TIAM2: variants seen among roughly 807,000 people sequenced by gnomAD.
The protein encoded by TIAM2 is TIAM Rac1 associated GEF 2.
A neutral mutation model predicts 152.9 loss-of-function variants in TIAM2; 80 were observed. The ratio of observed to expected loss-of-function variants is 0.52; its 90% CI spans 0.44 to 0.63. TIAM2 has a LOEUF of 0.63. Ranked by LOEUF, TIAM2 falls within the 30% of genes least tolerant of loss-of-function variation. TIAM2 has a pLI of 0.00. For missense variants in TIAM2, 1,965 were observed against 2,120.1 expected (o/e 0.93, Z 1.44); for synonymous variants, 804 against 838.0 (o/e 0.96, Z 0.70).
chr6:155,211,962 C>T (rs1487812973), intron 15 of TIAM2, among the ~76,000 whole-genome samples: 1 of 152,178 alleles, frequency 6.6e-6, no homozygotes, highest in Non-Finnish European at 1.5e-5. Flanking sequence ...TTGGTGGAAT[C>T]ACAATATTTG....
chr6:155,202,313 G>C (rs1781490242), intron 14 of TIAM2, among the ~76,000 whole-genome samples: 1 of 152,170 alleles, frequency 6.6e-6, no homozygotes, highest in Non-Finnish European at 1.5e-5. Context: ...AGTGAAAGGT[G>C]GCACAAACCA....
intron 1 of TIAM2, among the ~76,000 whole-genome samples, chr6:155,020,726 G>A (rs1277866922): frequency 1.3e-5 from 2 of 152,138 alleles, no homozygotes. Context: ...GCCTCCCAAA[G>A]TGCTGGGATT....
At chr6:155,246,096 C>G (rs1254757812) in intron 19 of TIAM2, among the ~76,000 whole-genome samples, 1 of 149,324 alleles carries the variant, frequency 6.7e-6, no homozygotes, top group Non-Finnish European at 1.5e-5. Context: ...TGTTAATCTT[C>G]TTAAGCCTGA....
At chr6:155,158,279 C>T (rs1780173971) in intron 7 of TIAM2, among the ~76,000 whole-genome samples, 1 of 152,194 alleles carries the variant, frequency 6.6e-6, no homozygotes, top group South Asian at 2.1e-4. Context: ...GGCTTCATCC[C>T]TCTCCCTCCC....
intron 16 of TIAM2, among the ~76,000 whole-genome samples, chr6:155,241,997 G>A (rs1783056096): frequency 6.6e-6 from 1 of 152,220 alleles, no homozygotes; most frequent in South Asian, 2.1e-4. Flanking sequence ...AGAATTTCCT[G>A]TTAGGCCACG....
chr6:155,210,315 C>A (rs1205979013), intron 14 of TIAM2, among the ~76,000 whole-genome samples: 1 of 149,146 alleles, frequency 6.7e-6, no homozygotes, highest in East Asian at 1.9e-4. Context: ...CCTTCCCCTC[C>A]TCTTTCTTTT....
rs1293987170 is a variant in TIAM2 at position 155,257,268 on chromosome 6, TTTAAG to T, written c.*151_*155del. The stretch of plus-strand genomic sequence containing the variant: ...TTTTCCCACAAAATGGTTGTAAAGA[TTTAAG>T]TTATTTTAATTTATTGTGGATCAGA... On this transcript the variant is annotated 3_prime_UTR_variant, in exon 27 of 27. Coordinates refer to ENST00000682666, the MANE Select transcript of TIAM2 (RefSeq NM_012454.4). The T allele has an allele frequency of 2.3e-6, 2 of 878,676 alleles. No individual in the cohort carries two copies. Among genetic ancestry groups the T allele is most frequent in the East Asian group, 2.7e-5 (1 of 37,424 alleles). 54.4% of individuals were successfully genotyped at this position (878,676 alleles called of 1,614,324 possible).
At chr6:155,059,768 T>C (rs1340586560) in intron 1 of TIAM2, among the ~76,000 whole-genome samples, 2 of 152,186 alleles carry the variant, frequency 1.3e-5, no homozygotes, top group African/African-American at 4.8e-5. Flanking sequence ...GATCAGTTGG[T>C]TAGTGTGGTG....
chr6:155,006,194 A>T (rs1473915398), intron 1 of TIAM2, among the ~76,000 whole-genome samples: 1 of 152,172 alleles, frequency 6.6e-6, no homozygotes, highest in Non-Finnish European at 1.5e-5. Flanking sequence ...TCAGTGACCG[A>T]GTGCCTACCA....
At position 155,215,711 on chromosome 6, in the gene TIAM2, T is replaced by TA. The variant is rs1173820077; in HGVS notation, c.3168+4413dup. ...TTTTTTTTCTGTTCCGTGGTTTTTTTAAAAAAAAATTTTAAATTTTTTTTT... is the reference window on the plus strand; with the variant it reads ...TTTTTTTTCTGTTCCGTGGTTTTTTTAAAAAAAAAATTTTAAATTTTTTTTT... On this transcript the variant is annotated intron_variant, in intron 15 of 26. Transcript: ENST00000682666. Among the ~76,000 whole-genome samples, 268 of 143,212 alleles carry TA rather than the reference T, an allele frequency of 1.9e-3. 1 individual carries two copies. Among genetic ancestry groups the TA allele is most frequent in the Non-Finnish European group, 3.1e-3 (206 of 65,930 alleles). 94.0% of individuals were successfully genotyped at this position (143,212 alleles called of 152,430 possible).
chr6:155,170,192 C>G (rs907326203), intron 9 of TIAM2, among the ~76,000 whole-genome samples: 2 of 113,694 alleles, frequency 1.8e-5, no homozygotes, highest in African/African-American at 7.3e-5. Flanking sequence ...CCCAGGAAAG[C>G]TTGTAATCGA....
At chr6:155,071,785 A>C (rs1777844119) in intron 1 of TIAM2, among the ~76,000 whole-genome samples, 1 of 151,880 alleles carries the variant, frequency 6.6e-6, no homozygotes, top group African/African-American at 2.4e-5. Context: ...AATCCCAGCT[A>C]CTTGGGAGGC....
At chr6:155,131,361 A>G (rs930344900) in intron 4 of TIAM2, among the ~76,000 whole-genome samples, 1 of 151,752 alleles carries the variant, frequency 6.6e-6, no homozygotes. Flanking sequence ...AAAAAAAAAA[A>G]GTAAGTACAG....
At chr6:155,079,534 A>G (rs1778018911) in intron 1 of TIAM2, among the ~76,000 whole-genome samples, 1 of 152,234 alleles carries the variant, frequency 6.6e-6, no homozygotes, top group Non-Finnish European at 1.5e-5. Flanking sequence ...GACAAATGTT[A>G]CTGTATGTGA....
At chr6:154,996,786 T>C (rs141956851) in intron 1 of TIAM2, among the ~76,000 whole-genome samples, 175 of 152,346 alleles carry the variant, frequency 1.1e-3, no homozygotes, top group African/African-American at 3.8e-3. Flanking sequence ...TATAGTATCA[T>C]GATTGGTGCA....
intron 2 of TIAM2, among the ~76,000 whole-genome samples, chr6:155,107,602 C>T (rs1464623621): frequency 6.6e-6 from 1 of 152,138 alleles, no homozygotes; most frequent in Non-Finnish European, 1.5e-5. Context: ...GTTATTATAT[C>T]ATCTCATCAG....
intron 23 of TIAM2, 130 bp downstream of exon 23, chr6:155,252,133 C>A: frequency 1.5e-6 from 1 of 671,234 alleles, no homozygotes; most frequent in Non-Finnish European, 2.6e-6. Flanking sequence ...GGGTAACTAA[C>A]CCCATCACAT....
chr6:155,114,716 A>G (rs1778969936), intron 2 of TIAM2, among the ~76,000 whole-genome samples: 1 of 152,086 alleles, frequency 6.6e-6, no homozygotes, highest in Admixed American at 6.6e-5. Context: ...AGCCACGGAA[A>G]CCTTTGTTAC....
chr6:155,074,418 G>C (rs1341502340), intron 1 of TIAM2, among the ~76,000 whole-genome samples: 1 of 151,962 alleles, frequency 6.6e-6, no homozygotes, highest in Non-Finnish European at 1.5e-5. Context: ...CATGATCTTG[G>C]CTCACTGCAA....
Sources: gnomAD v4.1 joint callset for allele counts (sites outside exome capture counted in the v4.1 genomes callset) on GRCh38, gnomAD v4.1.1 for gene constraint, MANE v1.5 for transcripts, NCBI Gene and HGNC (gene_info 2026-07-23, HGNC 2026-07-21) for gene names.